The following MAEA variants were observed in gnomAD, a reference collection of about 807,000 sequenced individuals.
The protein encoded by MAEA is E3 ubiquitin-protein transferase MAEA.
In MAEA, 22 loss-of-function variants were observed where a neutral mutation model predicts 46.2. The ratio of observed to expected loss-of-function variants is 0.48; its 90% CI spans 0.34 to 0.68. The LOEUF (loss-of-function observed/expected upper bound fraction) is 0.68. Ranked by LOEUF, MAEA falls within the 30% of genes least tolerant of loss-of-function variation. MAEA has a pLI of 0.01. For missense variants in MAEA, 393 were observed against 558.1 expected, an observed-to-expected ratio of 0.70 and a Z score of 2.98; for synonymous variants, 246 against 222.6, an observed-to-expected ratio of 1.11 and a Z score of -0.94.
At chr4:1,306,605 T>C (rs1419847002) in intron 1 of MAEA, among the ~76,000 whole-genome samples, 1 of 152,224 alleles carries the variant, frequency 6.6e-6, no homozygotes, top group Non-Finnish European at 1.5e-5. Context: ...GGAAGCCCTT[T>C]GTCAGCTGTG....
chr4:1,329,539 AAAC>A (rs1374245852), intron 5 of MAEA: 4 of 984,726 alleles, frequency 4.1e-6, no homozygotes, highest in Non-Finnish European at 4.8e-6. Context: ...CAGGCATGGC[AAAC>A]AACACCCCAG....
At chr4:1,293,070 T>C (rs1316712771) in intron 1 of MAEA, among the ~76,000 whole-genome samples, 1 of 151,938 alleles carries the variant, frequency 6.6e-6, no homozygotes, top group Non-Finnish European at 1.5e-5. Flanking sequence ...ATTTTTTGTA[T>C]TTTTTAGTAG....
At chr4:1,328,881 A>G (rs1484090977) in intron 5 of MAEA, 6 of 1,022,658 alleles carry the variant, frequency 5.9e-6, no homozygotes, top group Non-Finnish European at 5.9e-6. Flanking sequence ...TCTGTGCCTG[A>G]GAGGGCTAAA....
At chr4:1,334,636 A>G (rs1167758281) in intron 6 of MAEA, among the ~76,000 whole-genome samples, 3 of 152,236 alleles carry the variant, frequency 2.0e-5, no homozygotes, top group Non-Finnish European at 2.9e-5. Context: ...TGTGGTAAAG[A>G]GGGAGGCAGG....
At chr4:1,316,329 T>C (rs1225538347) in intron 3 of MAEA, among the ~76,000 whole-genome samples, 1 of 126,412 alleles carries the variant, frequency 7.9e-6, no homozygotes, top group Non-Finnish European at 1.5e-5. Flanking sequence ...TCCACTGCTG[T>C]GGGGGCCCAT....
intron 2 of MAEA, among the ~76,000 whole-genome samples, chr4:1,313,638 G>A (rs961290717): frequency 1.3e-5 from 2 of 152,082 alleles, no homozygotes; most frequent in Non-Finnish European, 2.9e-5. Context: ...GAGGCAGAAG[G>A]ATTGCTTGAG....
At chr4:1,310,005 A>T in intron 1 of MAEA, 2 of 1,219,728 alleles carry the variant, frequency 1.6e-6, no homozygotes, top group Non-Finnish European at 2.0e-6. Flanking sequence ...TGGTGTGCGG[A>T]TGCTGTGTGG....
intron 1 of MAEA, among the ~76,000 whole-genome samples, chr4:1,310,556 C>T (rs1193544118): frequency 6.6e-6 from 1 of 152,240 alleles, no homozygotes; most frequent in African/African-American, 2.4e-5. Context: ...AGCTTCCCTG[C>T]CCTCCTTCTC....
intron 3 of MAEA, among the ~76,000 whole-genome samples, chr4:1,316,980 A>G (rs1577185272): frequency 1.5e-5 from 1 of 66,230 alleles, no homozygotes; most frequent in Non-Finnish European, 2.8e-5. Flanking sequence ...ACGGCCCCAC[A>G]CTCTAGACTC....
chr4:1,322,943 CTTTTTTTTTT>C lies in MAEA; in HGVS notation c.579+461_579+470del, dbSNP rs60692981. Among the ~76,000 whole-genome samples the C allele has an allele frequency of 3.5e-3, 266 of 75,282 alleles. 4 individuals are homozygous for C. Among genetic ancestry groups the C allele is most frequent in the African/African-American group, 0.016 (261 of 16,162 alleles). 49.4% of individuals were successfully genotyped at this position (75,282 alleles called of 152,430 possible). A position where few individuals can be genotyped will look rare whatever the true frequency, so the allele number is the denominator to read the frequency against. On this transcript the variant is annotated intron_variant, in intron 4 of 8. Transcript: ENST00000303400. ...CTGTGATATTGTTAATGAATACCCA[CTTTTTTTTTT>C]TTTTTTTTTTTTTTTTTTTTGAGAC...
rs748000500 is a variant in MAEA at position 1,311,322 on chromosome 4, G to A, written c.70-657G>A. Among the ~76,000 whole-genome samples, 1 of 152,258 alleles carries A rather than the reference G, an allele frequency of 6.6e-6. No individual in the cohort carries two copies. On this transcript the variant is annotated intron_variant, in intron 1 of 8. Coordinates refer to ENST00000303400, the MANE Select transcript of MAEA (RefSeq NM_001017405.3). The surrounding 1 kb of genome is among the most constrained non-coding windows in gnomAD (Gnocchi z 4.4). ...TTTCAAACCGTAGAGCACAGGAAAC[G>A]GGCGGAGAAGAACTCAGCAGCGCTT...
chr4:1,318,116 C>A (rs961363398), intron 3 of MAEA, among the ~76,000 whole-genome samples: 2 of 152,198 alleles, frequency 1.3e-5, no homozygotes, highest in Non-Finnish European at 1.5e-5. Flanking sequence ...GCCCGGCTTC[C>A]CCCAATGCAC....
rs527537644 is a variant in MAEA, at chr4:1,322,101, C to T, written c.457-280C>T. 5.3e-5 allele frequency among the ~76,000 whole-genome samples: 8 copies of T among 152,296 alleles called. 1 individual carries two copies. The highest frequency in any genetic ancestry group is 3.4e-3 in the Middle Eastern group (1 of 294). ...CCTGCCTGCATGTGTGTCTCAGCAG[C>T]TCCTCTCCATGGACAGGTGGGGCCA... On this transcript the variant is annotated intron_variant, in intron 3 of 8. Coordinates refer to ENST00000303400, the MANE Select transcript of MAEA (RefSeq NM_001017405.3).
rs140522323 is a variant in MAEA, at chr4:1,321,390, A to G, written c.457-991A>G. Among the ~76,000 whole-genome samples the G allele has an allele frequency of 7.6e-3, 1,151 of 152,312 alleles. 13 individuals carry two copies. The highest frequency in any genetic ancestry group is 0.026 in the African/African-American group (1,094 of 41,540). On this transcript the variant is annotated intron_variant, in intron 3 of 8. Transcript: ENST00000303400. ...GTTAAAGAAAAGATGCAAGGAAACA[A>G]CACTGTGAGGGGTTTCAGAAAAGAG...
intron 1 of MAEA, among the ~76,000 whole-genome samples, chr4:1,297,480 C>T (rs1018554736): frequency 8.9e-6 from 1 of 112,492 alleles, no homozygotes; most frequent in African/African-American, 5.5e-5. Flanking sequence ...TGTATACATA[C>T]ATATAGAGAG....
chr4:1,303,769 C>T (rs865954872), intron 1 of MAEA, among the ~76,000 whole-genome samples: 3 of 152,062 alleles, frequency 2.0e-5, no homozygotes, highest in African/African-American at 4.8e-5. Context: ...GTGAATTTTA[C>T]GGCCTGTGAA....
intron 4 of MAEA, chr4:1,323,572 C>T: frequency 1.4e-6 from 1 of 702,498 alleles, no homozygotes; most frequent in South Asian, 1.5e-5. Context: ...AGAGTTTGGA[C>T]CTTGGTATGG....
chr4:1,328,913 C>T, intron 5 of MAEA: 1 of 1,009,458 alleles, frequency 9.9e-7, no homozygotes, highest in Non-Finnish European at 1.2e-6. Flanking sequence ...GGGACCCGGG[C>T]CAGTGGAGAG....
intron 1 of MAEA, chr4:1,299,718 C>G (rs1347406986): frequency 6.6e-6 from 1 of 152,352 alleles, no homozygotes; most frequent in Non-Finnish European, 1.5e-5. Flanking sequence ...GTCCCATGTC[C>G]TCACCTTCAA....
Sources: allele counts gnomAD v4.1 joint callset (sites outside exome capture counted in the v4.1 genomes callset), GRCh38; gene constraint gnomAD v4.1.1; non-coding constraint Gnocchi (gnomAD v3.1); transcripts MANE v1.5; gene names NCBI Gene and HGNC (gene_info 2026-07-23, HGNC 2026-07-21).